The following POPDC2 variants were observed in gnomAD, a reference collection of about 807,000 sequenced individuals.
POPDC2 encodes popeye domain cAMP effector 2, also known as popeye domain-containing protein 2.
A neutral mutation model predicts 30.5 loss-of-function variants in POPDC2; 24 were observed. The ratio of observed to expected loss-of-function variants is 0.79; its 90% CI spans 0.57 to 1.11. POPDC2 has a LOEUF of 1.11. Among genes scored for constraint, POPDC2 ranks in the 50% least tolerant of loss-of-function variants. POPDC2 has a pLI of 0.00. For missense variants in POPDC2, 409 were observed against 447.0 expected (o/e 0.91, Z 0.77); for synonymous variants, 185 against 183.3 (o/e 1.01, Z -0.07).
chr3:119,655,138 C>T (rs1315172210), intron 1 of POPDC2, among the ~76,000 whole-genome samples: 1 of 152,048 alleles, frequency 6.6e-6, no homozygotes. Context: ...ACCAGCCTGG[C>T]CAAGAGAGTG....
In POPDC2 at chr3:119,654,463, T is replaced by G. The variant is rs528978529; in HGVS notation, c.600+42A>C. 8.8e-4 allele frequency: 1,158 copies of G among 1,314,800 alleles called. 22 individuals carry two copies. In the South Asian group the frequency reaches 0.013, roughly 15 times the overall value. The allele number at this position is 1,314,800 out of a possible 1,614,324, so 81.4% of individuals were successfully genotyped here. A position where few individuals can be genotyped will look rare whatever the true frequency, so the allele number is the denominator to read the frequency against. On this transcript the variant is annotated intron_variant, in intron 2 of 3. Coordinates refer to ENST00000493094, the MANE Select transcript of POPDC2 (RefSeq NM_001369919.2). ...AGGCACGGATATTGCTGGGCTACAG[T>G]GGGATGGGGTGAGGCGGTGCTGCCA...
At chr3:119,653,160 C>T (rs2052835072) in intron 2 of POPDC2, among the ~76,000 whole-genome samples, 1 of 152,178 alleles carries the variant, frequency 6.6e-6, no homozygotes, top group African/African-American at 2.4e-5. Flanking sequence ...GGCTTTGTCA[C>T]TTTCTAGCTG....
chr3:119,648,865 G>A (rs1394502412), intron 2 of POPDC2, among the ~76,000 whole-genome samples, 197 bp from the exon 3 acceptor site: 1 of 152,162 alleles, frequency 6.6e-6, no homozygotes, highest in African/African-American at 2.4e-5. Context: ...GGGGGGTCCT[G>A]TGTCAGGAGC....
chr3:119,648,888 C>A (rs1192185176), intron 2 of POPDC2, among the ~76,000 whole-genome samples: 1 of 152,150 alleles, frequency 6.6e-6, no homozygotes, highest in Non-Finnish European at 1.5e-5. Flanking sequence ...TGGGATCAGC[C>A]ATTCACTCAC....
At chr3:119,649,249 C>G (rs2052784121) in intron 2 of POPDC2, among the ~76,000 whole-genome samples, 1 of 152,122 alleles carries the variant, frequency 6.6e-6, no homozygotes, top group South Asian at 2.1e-4. Context: ...TTGGCCATTT[C>G]AAGTAACCAA....
intron 3 of POPDC2, among the ~76,000 whole-genome samples, chr3:119,647,369 T>C (rs1378167032): frequency 6.6e-6 from 1 of 152,190 alleles, no homozygotes; most frequent in Non-Finnish European, 1.5e-5. Flanking sequence ...CCAGAACCAC[T>C]GGGCACAGCC....
Position 119,648,379 on chromosome 3 carries a change from G to A in POPDC2, c.890C>T (p.Pro297Leu), listed in dbSNP as rs1043366825. 2 of 1,614,058 alleles carry A rather than the reference G, an allele frequency of 1.2e-6. No individual in the cohort carries two copies. The highest frequency in any genetic ancestry group is 2.7e-5 in the African/African-American group (2 of 74,922). The change falls in exon 3 of 4, where the codon CCT becomes CTT. Residue 297 changes from proline to leucine, a missense_variant. By Grantham distance (98) the Pro-to-Leu change is moderately conservative. Coordinates refer to ENST00000493094, the MANE Select transcript of POPDC2 (RefSeq NM_001369919.2). ...EEVCEPAVSP[P>L]QATPTSLQQT... is the part of the protein sequence containing the mutation. Reference sequence around the variant, plus strand: ...CTGGAGAGAGGTGGGTGTGGCCTGAGGAGGGGACACAGCTGGCTCACAGAC... The same window carrying A: ...CTGGAGAGAGGTGGGTGTGGCCTGAAGAGGGGACACAGCTGGCTCACAGAC...
chr3:119,643,592 A>G (rs892431319), intron 3 of POPDC2: 1 of 629,120 alleles, frequency 1.6e-6, no homozygotes, highest in African/African-American at 1.8e-5. Flanking sequence ...CACGCCTCAC[A>G]GCAACCCGGT....
rs1368722881 is a variant in POPDC2, at chr3:119,660,343, C to T, written c.81G>A (p.Gly27=). 5 of 1,614,046 alleles carry T rather than the reference C, an allele frequency of 3.1e-6. No homozygotes were observed. Among genetic ancestry groups the T allele is most frequent in the African/African-American group, 2.7e-5 (2 of 74,922 alleles). Residue 27 remains glycine, a synonymous_variant, in exon 1 of 4, where the codon GGG becomes GGA. Transcript: ENST00000493094. ...ACIRWKQDVE[G]AVYHLANCLL... The stretch of plus-strand genomic sequence containing the variant: ...GGCAGTTGGCTAGGTGGTAGACAGC[C>T]CCTTCCACATCCTGCTTCCACCTAA...
intron 1 of POPDC2, among the ~76,000 whole-genome samples, chr3:119,659,022 G>A (rs1419002501): frequency 6.6e-6 from 1 of 151,690 alleles, no homozygotes; most frequent in Non-Finnish European, 1.5e-5. Context: ...GGGTTGTGGG[G>A]CTCAAGAGCC....
chr3:119,649,836 AT>A (rs935627182), intron 2 of POPDC2, among the ~76,000 whole-genome samples: 4 of 152,052 alleles, frequency 2.6e-5, no homozygotes, highest in African/African-American at 9.6e-5. Context: ...CCTTTCTGCT[AT>A]ACCCCTCCCC....
chr3:119,651,480 C>T (rs1283510119), intron 2 of POPDC2, among the ~76,000 whole-genome samples: 3 of 152,086 alleles, frequency 2.0e-5, no homozygotes, highest in Non-Finnish European at 4.4e-5. Context: ...AGGGGAGGGA[C>T]CTTCATCTGT....
At position 119,660,162 on chromosome 3, in the gene POPDC2, A is replaced by C; in HGVS notation, c.262T>G (p.Cys88Gly). 1 of 1,614,232 alleles carries C rather than the reference A, an allele frequency of 6.2e-7. No homozygotes were observed. The highest frequency in any genetic ancestry group is 8.5e-7 in the Non-Finnish European group (1 of 1,180,034). Residue 88 changes from cysteine (C) to glycine (G), a missense_variant, in exon 1 of 4, where the codon TGC (cysteine) becomes GGC (glycine). By Grantham distance (159) the Cys-to-Gly change is radical (BLOSUM62 -3). Coordinates refer to ENST00000493094, the MANE Select transcript of POPDC2 (RefSeq NM_001369919.2). ...VLWSFLLAVVCLLQLAHLVYR... is the reference protein window; with the variant it reads ...VLWSFLLAVVGLLQLAHLVYR... ...ACCAGGTGTGCCAGCTGGAGCAGGC[A>C]GACCACAGCCAGCAGGAAGCTCCAA...
At chr3:119,653,058 A>ATG (rs1491537403) in intron 2 of POPDC2, among the ~76,000 whole-genome samples, 2 of 143,450 alleles carry the variant, frequency 1.4e-5, no homozygotes, top group Admixed American at 7.3e-5. Context: ...ATGCGTGTGC[A>ATG]TGTGTGTGTG....
rs556610606 is a variant in POPDC2, at chr3:119,648,861, T to G, written c.601-193A>C. Among the ~76,000 whole-genome samples, 22 of 152,132 alleles carry G rather than the reference T, an allele frequency of 1.4e-4. 1 individual carries two copies. In the South Asian group the frequency reaches 4.6e-3, roughly 32 times the overall value. ...ACTTGTGTGCACTGATATGGGGGGG[T>G]CCTGTGTCAGGAGCCCTGGGATCAG... On this transcript the variant is annotated intron_variant, in intron 2 of 3. Coordinates refer to ENST00000493094, the MANE Select transcript of POPDC2 (RefSeq NM_001369919.2).
intron 2 of POPDC2, among the ~76,000 whole-genome samples, chr3:119,653,679 G>A (rs973204582): frequency 4.6e-5 from 7 of 152,018 alleles, no homozygotes; most frequent in Admixed American, 6.6e-5. Flanking sequence ...GGATTTCATC[G>A]TGTTAGCCAG....
intron 3 of POPDC2, among the ~76,000 whole-genome samples, chr3:119,646,539 TG>T (rs1170905825): frequency 6.6e-6 from 1 of 152,096 alleles, no homozygotes; most frequent in Non-Finnish European, 1.5e-5. Flanking sequence ...CTTGGGAGGC[TG>T]GGATGGGAGG....
rs1395799878 is a variant in POPDC2, at chr3:119,642,529, C to G, written c.*76G>C. 1 of 1,613,234 alleles carries G rather than the reference C, an allele frequency of 6.2e-7. No individual in the cohort carries two copies. Among genetic ancestry groups the G allele is most frequent in the African/African-American group, 1.3e-5 (1 of 74,900 alleles). On this transcript the variant is annotated 3_prime_UTR_variant, in exon 4 of 4. Transcript: ENST00000493094. Reference sequence around the variant, plus strand: ...AAAGGGGCCTGTCCCCTGGATATAACTTGAGAGTAGCTCTGGAGAGGAATT... The same window carrying G: ...AAAGGGGCCTGTCCCCTGGATATAAGTTGAGAGTAGCTCTGGAGAGGAATT...
chr3:119,649,835 T>C (rs1323829292), intron 2 of POPDC2, among the ~76,000 whole-genome samples: 1 of 152,200 alleles, frequency 6.6e-6, no homozygotes, highest in Admixed American at 6.5e-5. Flanking sequence ...TCCTTTCTGC[T>C]ATACCCCTCC....
Sources: allele counts gnomAD v4.1 joint callset (sites outside exome capture counted in the v4.1 genomes callset), GRCh38; gene constraint gnomAD v4.1.1; transcripts MANE v1.5; gene names NCBI Gene and HGNC (gene_info 2026-07-23, HGNC 2026-07-21).